Variants in VEPH1 observed in about 807,000 individuals in gnomAD.
The protein encoded by VEPH1 is ventricular zone-expressed PH domain-containing protein homolog 1.
VEPH1 carries 80 observed loss-of-function variants against 85.2 expected under a neutral mutation model. The observed-to-expected ratio is 0.94, with a 90% CI of 0.78 to 1.13. The LOEUF (loss-of-function observed/expected upper bound fraction) is 1.13, where lower values mean the gene tolerates loss of function less well. Ranked by LOEUF, VEPH1 falls within the 50% of genes most tolerant of loss-of-function variation. VEPH1 has a pLI of 0.00. For missense variants in VEPH1, 955 were observed against 980.5 expected (o/e 0.97, Z 0.35); for synonymous variants, 297 against 348.0 (o/e 0.85, Z 1.63).
At chr3:157,404,548 C>G (rs944314738) in intron 6 of VEPH1, among the ~76,000 whole-genome samples, 10 of 151,996 alleles carry the variant, frequency 6.6e-5, no homozygotes, top group African/African-American at 2.4e-4. Context: ...AATAGGGGAA[C>G]AGAAGAGTGA....
At chr3:157,386,696 G>C (rs1365305846) in intron 6 of VEPH1, among the ~76,000 whole-genome samples, 2 of 152,182 alleles carry the variant, frequency 1.3e-5, no homozygotes, top group African/African-American at 4.8e-5. Context: ...TGCCAAGGCT[G>C]AGAAACACTG....
intron 5 of VEPH1, among the ~76,000 whole-genome samples, chr3:157,427,143 A>G (rs1732814663): frequency 6.6e-6 from 1 of 151,766 alleles, no homozygotes. Context: ...ACGCACCACC[A>G]TGCCCAGCTA....
chr3:157,431,525 C>G (rs1429278544), intron 4 of VEPH1, among the ~76,000 whole-genome samples: 2 of 152,088 alleles, frequency 1.3e-5, no homozygotes, highest in Non-Finnish European at 1.5e-5. Flanking sequence ...TTGGGTTTAA[C>G]TGAATAATCT....
intron 4 of VEPH1, among the ~76,000 whole-genome samples, chr3:157,431,332 G>C (rs547780383): frequency 6.6e-5 from 10 of 152,114 alleles, no homozygotes; most frequent in Admixed American, 2.0e-4. Flanking sequence ...TTATAGCAGT[G>C]TGAAAACAGA....
At chr3:157,396,638 C>A (rs1158314398) in intron 6 of VEPH1, among the ~76,000 whole-genome samples, 1 of 152,180 alleles carries the variant, frequency 6.6e-6, no homozygotes, top group Non-Finnish European at 1.5e-5. Flanking sequence ...GCCATTCTGA[C>A]TGGTGTGAGA....
chr3:157,472,438 G>GT (rs1432572477), intron 2 of VEPH1, among the ~76,000 whole-genome samples: 1 of 151,934 alleles, frequency 6.6e-6, no homozygotes, highest in East Asian at 1.9e-4. Flanking sequence ...TCTATTTCAG[G>GT]GCTGTCTTTT....
At chr3:157,392,555 GGAA>G (rs1386028967) in intron 6 of VEPH1, among the ~76,000 whole-genome samples, 2 of 151,992 alleles carry the variant, frequency 1.3e-5, no homozygotes, top group African/African-American at 4.8e-5. Flanking sequence ...GGGCCACATC[GGAA>G]GAAGAAGAAT....
chr3:157,261,648 T>C (rs1488271999), intron 13 of VEPH1, among the ~76,000 whole-genome samples: 1 of 152,176 alleles, frequency 6.6e-6, no homozygotes, highest in African/African-American at 2.4e-5. Flanking sequence ...TTTCATTTTC[T>C]ATTAACGTTA....
chr3:157,444,854 A>C (rs1475853980), intron 4 of VEPH1, among the ~76,000 whole-genome samples: 1 of 152,230 alleles, frequency 6.6e-6, no homozygotes, highest in African/African-American at 2.4e-5. Flanking sequence ...TTGGGTTAAA[A>C]AAGTAGAAAT....
At chr3:157,497,351 G>A (rs1739747195) in intron 1 of VEPH1, among the ~76,000 whole-genome samples, 1 of 152,170 alleles carries the variant, frequency 6.6e-6, no homozygotes, top group South Asian at 2.1e-4. Flanking sequence ...TGGAGGAAGA[G>A]CAAAGGAGAG....
intron 11 of VEPH1, among the ~76,000 whole-genome samples, chr3:157,313,029 C>G (rs1013805946): frequency 2.7e-5 from 4 of 150,526 alleles, no homozygotes; most frequent in Non-Finnish European, 5.9e-5. Flanking sequence ...CTCAGCCTCC[C>G]GAGTAGCTGG....
chr3:157,456,001 C>A (rs893773255), intron 4 of VEPH1, among the ~76,000 whole-genome samples: 2 of 152,098 alleles, frequency 1.3e-5, no homozygotes, highest in Non-Finnish European at 2.9e-5. Context: ...GGACCAATCA[C>A]CACTAACAGT....
chr3:157,281,156 TGA>T (rs138985761), intron 12 of VEPH1, among the ~76,000 whole-genome samples: 5,984 of 148,620 alleles, frequency 0.04, 148 homozygotes, highest in South Asian at 0.11. Flanking sequence ...GAGAGAGAAA[TGA>T]GAGTGTGTGG....
At chr3:157,387,237 G>A (rs1020249481) in intron 6 of VEPH1, among the ~76,000 whole-genome samples, 2 of 152,024 alleles carry the variant, frequency 1.3e-5, no homozygotes, top group Admixed American at 6.6e-5. Flanking sequence ...TCATAAAGGT[G>A]CTCTGCTATC....
intron 9 of VEPH1, among the ~76,000 whole-genome samples, chr3:157,342,940 C>A (rs924345244): frequency 6.6e-6 from 1 of 152,050 alleles, no homozygotes; most frequent in African/African-American, 2.4e-5. Flanking sequence ...GGGTACACAA[C>A]GAAATGAAGG....
At chr3:157,419,530 T>C (rs1732174323) in intron 5 of VEPH1, among the ~76,000 whole-genome samples, 1 of 152,102 alleles carries the variant, frequency 6.6e-6, no homozygotes, top group Non-Finnish European at 1.5e-5. Flanking sequence ...TAGCCACTAC[T>C]CAAAAGAAGA....
chr3:157,351,561 TTTCTC>T (rs751859914), intron 9 of VEPH1, among the ~76,000 whole-genome samples: 89 of 152,328 alleles, frequency 5.8e-4, no homozygotes, highest in Non-Finnish European at 9.8e-4. Context: ...TTCATTGTCT[TTTCTC>T]TACTACTAGT....
intron 6 of VEPH1, among the ~76,000 whole-genome samples, chr3:157,400,803 A>C (rs1730737757): frequency 6.6e-6 from 1 of 152,120 alleles, no homozygotes; most frequent in African/African-American, 2.4e-5. Context: ...ACATAGTATT[A>C]TTTTATGAAT....
intron 11 of VEPH1, among the ~76,000 whole-genome samples, chr3:157,296,833 T>C (rs1718198155): frequency 6.6e-6 from 1 of 152,234 alleles, no homozygotes; most frequent in Non-Finnish European, 1.5e-5. Flanking sequence ...TGGGAAAATA[T>C]TTTAATTTCT....
Sources: allele counts gnomAD v4.1 joint callset (sites outside exome capture counted in the v4.1 genomes callset), GRCh38; gene constraint gnomAD v4.1.1; transcripts MANE v1.5; gene names NCBI Gene and HGNC (gene_info 2026-07-23, HGNC 2026-07-21).